The following ANKS1B variants were observed in gnomAD, a reference collection of about 807,000 sequenced individuals.
The protein encoded by ANKS1B is ankyrin repeat and sterile alpha motif domain containing 1B, also known as ankyrin repeat and sterile alpha motif domain-containing protein 1B.
ANKS1B carries 36 observed loss-of-function variants against 148.3 expected under a neutral mutation model. The ratio of observed to expected loss-of-function variants is 0.24; its 90% CI spans 0.19 to 0.32. ANKS1B has a LOEUF of 0.32. ANKS1B is among the 10% of genes least tolerant of loss of function. The probability of loss-of-function intolerance (pLI) is 1.00; values close to 1 mark genes in which losing one functional copy is unlikely to be tolerated. For synonymous variants in ANKS1B, 542 were observed against 560.8 expected, an observed-to-expected ratio of 0.97 and a Z score of 0.47; for missense variants, 1,157 against 1,542.6, an observed-to-expected ratio of 0.75 and a Z score of 4.19.
chr12:99,545,797 TAA>T lies in ANKS1B; in HGVS notation c.1273-41158_1273-41157del, dbSNP rs575451152. On this transcript the variant is annotated intron_variant, in intron 9 of 26. Transcript: ENST00000683438. ...TATATAAATTATATATATATATATA[TAA>T]AATTATTGCATCGGGGCTTCTTTGT... Among the ~76,000 whole-genome samples the T allele has an allele frequency of 2.2e-3, 304 of 138,676 alleles. 1 individual carries two copies. The highest frequency in any genetic ancestry group is 7.4e-3 in the African/African-American group (276 of 37,368). 91.0% of individuals were successfully genotyped at this position (138,676 alleles called of 152,430 possible).
chr12:99,166,310 GA>G (rs1395084453), intron 14 of ANKS1B, among the ~76,000 whole-genome samples: 1 of 151,776 alleles, frequency 6.6e-6, no homozygotes, highest in Non-Finnish European at 1.5e-5. Context: ...ATTCATATTG[GA>G]AAGGAAGCAG....
chr12:99,181,514 A>C (rs899948658), intron 14 of ANKS1B, among the ~76,000 whole-genome samples: 17 of 152,232 alleles, frequency 1.1e-4, no homozygotes, highest in Non-Finnish European at 1.9e-4. Context: ...TAAGAACAAA[A>C]ACCAAGATGG....
chr12:99,026,146 C>T (rs894726780), intron 17 of ANKS1B, among the ~76,000 whole-genome samples: 6 of 152,174 alleles, frequency 3.9e-5, no homozygotes, highest in Non-Finnish European at 7.4e-5. Context: ...TTTTACCACC[C>T]TTGAAGTATC....
At chr12:99,439,729 T>G (rs1408437232) in intron 11 of ANKS1B, among the ~76,000 whole-genome samples, 1 of 151,764 alleles carries the variant, frequency 6.6e-6, no homozygotes, top group African/African-American at 2.4e-5. Flanking sequence ...TTTGGAAAGC[T>G]GTTGGGAAGC....
At chr12:99,580,461 A>C (rs934589812) in intron 9 of ANKS1B, among the ~76,000 whole-genome samples, 2 of 152,208 alleles carry the variant, frequency 1.3e-5, no homozygotes, top group African/African-American at 4.8e-5. Flanking sequence ...AAGAAATTTG[A>C]AACTGGAGAA....
At chr12:99,447,762 CAAT>C (rs1404377378) in intron 10 of ANKS1B, among the ~76,000 whole-genome samples, 1 of 151,894 alleles carries the variant, frequency 6.6e-6, no homozygotes, top group Non-Finnish European at 1.5e-5. Context: ...AGTGAGAAAA[CAAT>C]AACCTGATTT....
At chr12:98,855,207 A>G (rs1046209179) in intron 17 of ANKS1B, among the ~76,000 whole-genome samples, 1 of 151,950 alleles carries the variant, frequency 6.6e-6, no homozygotes, top group Non-Finnish European at 1.5e-5. Flanking sequence ...CCATCTCCTT[A>G]CAAATTCCCT....
At chr12:99,885,884 T>C (rs2092800357) in intron 1 of ANKS1B, among the ~76,000 whole-genome samples, 1 of 152,214 alleles carries the variant, frequency 6.6e-6, no homozygotes, top group Non-Finnish European at 1.5e-5. Context: ...GTTACTTCAC[T>C]TAGAATAATG....
chr12:99,461,253 C>A (rs1595227633), intron 10 of ANKS1B, among the ~76,000 whole-genome samples: 1 of 152,014 alleles, frequency 6.6e-6, no homozygotes, highest in East Asian at 1.9e-4. Context: ...AAGAATGATA[C>A]AATGGACTTT....
At chr12:99,805,380 TG>T (rs911869257) in intron 4 of ANKS1B, among the ~76,000 whole-genome samples, 3 of 149,736 alleles carry the variant, frequency 2.0e-5, no homozygotes, top group African/African-American at 7.4e-5. Context: ...TCCCAGAACT[TG>T]GGGATGCCAA....
intron 8 of ANKS1B, among the ~76,000 whole-genome samples, chr12:99,668,206 C>G (rs1391690570): frequency 6.6e-6 from 1 of 151,940 alleles, no homozygotes; most frequent in East Asian, 1.9e-4. Flanking sequence ...AGTTACTTTT[C>G]CTAATTTAGG....
chr12:99,174,284 C>T (rs2078121129), intron 14 of ANKS1B, among the ~76,000 whole-genome samples: 1 of 152,170 alleles, frequency 6.6e-6, no homozygotes. Context: ...TTCAGATGAG[C>T]CCCTTGCCCT....
intron 9 of ANKS1B, among the ~76,000 whole-genome samples, chr12:99,614,764 C>T (rs2097936983): frequency 6.6e-6 from 1 of 152,072 alleles, no homozygotes; most frequent in South Asian, 2.1e-4. Context: ...GCTTTTCACT[C>T]ATTTCATCCA....
intron 25 of ANKS1B, among the ~76,000 whole-genome samples, chr12:98,761,255 A>G (rs2098399653): frequency 6.6e-6 from 1 of 152,180 alleles, no homozygotes; most frequent in Non-Finnish European, 1.5e-5. Context: ...CTAGAACACC[A>G]TCTTGTGTTT....
chr12:98,885,875 C>T (rs2099738730), intron 17 of ANKS1B, among the ~76,000 whole-genome samples: 1 of 152,134 alleles, frequency 6.6e-6, no homozygotes, highest in Non-Finnish European at 1.5e-5. Flanking sequence ...AGGAAGCAAA[C>T]TGGTCTCCAA....
At chr12:99,363,504 C>T (rs1452659463) in intron 12 of ANKS1B, among the ~76,000 whole-genome samples, 1 of 152,082 alleles carries the variant, frequency 6.6e-6, no homozygotes, top group African/African-American at 2.4e-5. Context: ...ATAAAGACAA[C>T]ATTTTGCATT....
At chr12:99,472,295 A>G (rs1022496492) in intron 10 of ANKS1B, among the ~76,000 whole-genome samples, 3 of 152,134 alleles carry the variant, frequency 2.0e-5, no homozygotes, top group Admixed American at 1.3e-4. Flanking sequence ...TCAGTCAGTA[A>G]CTGATGTTTC....
rs114012364 is a variant in ANKS1B, at chr12:99,881,422, G to T, written c.135-56033C>A. ...CACAAGAGAGAGGCAAACTCCTACT[G>T]CTTTTTCTCTCTATCTCTGTTTACC... On this transcript the variant is annotated intron_variant, in intron 1 of 26. Coordinates refer to ENST00000683438, the MANE Select transcript of ANKS1B (RefSeq NM_001352186.2). Among the ~76,000 whole-genome samples the T allele has an allele frequency of 2.5e-3, 374 of 152,256 alleles. 4 individuals carry two copies. Among genetic ancestry groups the T allele is most frequent in the African/African-American group, 8.8e-3 (365 of 41,530 alleles).
intron 1 of ANKS1B, among the ~76,000 whole-genome samples, chr12:99,894,515 A>AC (rs2093305111): frequency 7.2e-6 from 1 of 139,672 alleles, no homozygotes; most frequent in African/African-American, 2.6e-5. Context: ...TCTCAAAAAA[A>AC]AAAAAAAAAA....
Sources: gnomAD v4.1 joint callset for allele counts (sites outside exome capture counted in the v4.1 genomes callset) on GRCh38, gnomAD v4.1.1 for gene constraint, MANE v1.5 for transcripts, NCBI Gene and HGNC (gene_info 2026-07-23, HGNC 2026-07-21) for gene names.